The following FAM9C variants were observed in gnomAD, a reference collection of about 807,000 sequenced individuals.
FAM9C encodes the protein protein FAM9C.
Under a neutral mutation model 14.8 loss-of-function variants are expected in FAM9C, and 15 were observed. That is an observed-to-expected ratio of 1.02 (90% CI 0.68 to 1.56). FAM9C has a LOEUF of 1.56. Ranked by LOEUF, FAM9C falls within the 40% of genes most tolerant of loss-of-function variation. The pLI is 0.00. For missense variants in FAM9C, 116 were observed against 118.0 expected, an observed-to-expected ratio of 0.98 and a Z score of 0.08; for synonymous variants, 45 against 37.5, an observed-to-expected ratio of 1.20 and a Z score of -0.74.
chrX:13,042,754 A>G (rs1366492608), intron 4 of FAM9C, 164 bp downstream of exon 4: 2 of 590,344 alleles, frequency 3.4e-6, no homozygotes, highest in Non-Finnish European at 5.6e-6. Flanking sequence ...ATCAACAATT[A>G]AAAAAGTAAG....
intron 1 of FAM9C, among the ~76,000 whole-genome samples, chrX:13,044,092 A>G (rs1368665102): frequency 8.9e-6 from 1 of 111,880 alleles, no homozygotes; most frequent in Non-Finnish European, 1.9e-5. Flanking sequence ...CTTGGGACAG[A>G]GCCTGGCCCT....
chrX:13,043,453 C>T (rs1193108977), intron 2 of FAM9C, among the ~76,000 whole-genome samples: 1 of 112,443 alleles, frequency 8.9e-6, no homozygotes, highest in East Asian at 2.8e-4. Context: ...CAGTAAACAA[C>T]GTTCACAGGT....
chrX:13,036,369 C>T (rs2043480072), intron 7 of FAM9C: 1 of 112,084 alleles, frequency 8.9e-6, no homozygotes, highest in Non-Finnish European at 1.9e-5. Context: ...AAACTGTAAT[C>T]AGTACATGGA....
At chrX:13,043,540 G>A (rs767827337) in intron 2 of FAM9C, among the ~76,000 whole-genome samples, 189 bp downstream of exon 2, 78 of 112,812 alleles carry the variant, frequency 6.9e-4, no homozygotes, top group African/African-American at 2.0e-3. Context: ...CTATGAGGGG[G>A]AGCCTCCCAC....
chrX:13,043,075 G>A (rs1313008441), intron 3 of FAM9C, 53 bp downstream of exon 3: 4 of 1,182,627 alleles, frequency 3.4e-6, no homozygotes, highest in Non-Finnish European at 4.5e-6. Context: ...ATCCAAAGCT[G>A]ACTTTTCCTA....
chrX:13,043,796 G>C lies in FAM9C; in HGVS notation c.-7C>G, dbSNP rs1255626465. 8.3e-7 allele frequency: 1 copy of C among 1,211,781 alleles called. No homozygotes were observed. The highest frequency in any genetic ancestry group is 1.8e-5 in the South Asian group (1 of 57,007). On this transcript the variant is annotated 5_prime_UTR_variant, in exon 2 of 8. Transcript: ENST00000380625. ...ACTGGTCCTTGGCAGCCATCCTGCT[G>C]CCCTTCCTGCCCACGGGCTCCGTGG... is the stretch of plus-strand genomic sequence containing the variant.
chrX:13,036,711 C>T (rs766843043), intron 7 of FAM9C: 15 of 111,564 alleles, frequency 1.3e-4, no homozygotes, highest in Admixed American at 8.6e-4. Flanking sequence ...ACAGTTCCTA[C>T]TCCCTAAAAA....
rs1045045033 is a variant in FAM9C at position 13,043,390 on chromosome X, G to A, written c.62-142C>T. Reference sequence around the variant, plus strand: ...CCGCAGAGCTATACATGGAATCGCCGGCTCCTAACCATTTTACGGAGGCAT... The same window carrying A: ...CCGCAGAGCTATACATGGAATCGCCAGCTCCTAACCATTTTACGGAGGCAT... On this transcript the variant is annotated intron_variant, in intron 2 of 7. Transcript: ENST00000380625. 1.2e-5 allele frequency: 10 copies of A among 837,405 alleles called. No individual in the cohort carries two copies. In the East Asian group the frequency reaches 2.0e-4, roughly 16 times the overall value. 69.0% of individuals were successfully genotyped at this position (837,405 alleles called of 1,213,427 possible). A position where few individuals can be genotyped will look rare whatever the true frequency, so the allele number is the denominator to read the frequency against.
In FAM9C at chrX:13,043,848, A is replaced by G. The variant is rs1180954690; in HGVS notation, c.-59T>C. 4.6e-6 allele frequency: 5 copies of G among 1,093,040 alleles called. No individual in the cohort carries two copies. The East Asian group carries it at 1.5e-4, about 33-fold the overall frequency. 90.1% of individuals were successfully genotyped at this position (1,093,040 alleles called of 1,213,427 possible). ...TGACTGGCCTGGGAAGCTAGAGGCG[A>G]CCTCTGAACCTGGTGAGTGCAAAGA... is the stretch of plus-strand genomic sequence containing the variant. On this transcript the variant is annotated 5_prime_UTR_variant, in exon 2 of 8. Coordinates refer to ENST00000380625, the MANE Select transcript of FAM9C (RefSeq NM_174901.6).
At chrX:13,042,667 CAATTA>C (rs2043537052) in intron 4 of FAM9C, 1 of 412,831 alleles carries the variant, frequency 2.4e-6, no homozygotes, top group Non-Finnish European at 4.3e-6. Flanking sequence ...ATCCCCCAAA[CAATTA>C]AATTTCCACG....
chrX:13,040,753 C>T lies in FAM9C; in HGVS notation c.329+5G>A. 1 of 1,118,367 alleles carries T rather than the reference C, an allele frequency of 8.9e-7. No homozygotes were observed. Among genetic ancestry groups the T allele is most frequent in the South Asian group, 2.1e-5 (1 of 48,660 alleles). The allele number at this position is 1,118,367 out of a possible 1,213,427, so 92.2% of individuals were successfully genotyped here. ...ATCATTATTCAAAAAAGCCAACAATCATACCTTTTTAGTTGTGTTGTTCTC... is the reference window on the plus strand; with the variant it reads ...ATCATTATTCAAAAAAGCCAACAATTATACCTTTTTAGTTGTGTTGTTCTC... On this transcript the variant is annotated splice_donor_5th_base_variant and intron_variant, in intron 5 of 7. Transcript: ENST00000380625.
intron 2 of FAM9C, 93 bp downstream of exon 2, chrX:13,043,636 G>A (rs1360964294): frequency 6.6e-6 from 7 of 1,059,989 alleles, no homozygotes; most frequent in South Asian, 1.9e-5. Context: ...CGAAGGGGCC[G>A]GGGGCCTCGG....
rs754045711 is a variant in FAM9C at position 13,038,344 on chromosome X, G to A, written c.*25+72C>T. 141 of 839,580 alleles carry A rather than the reference G, an allele frequency of 1.7e-4. 1 individual carries two copies. The highest frequency in any genetic ancestry group is 4.6e-4 in the Middle Eastern group (1 of 2,154). The allele number at this position is 839,580 out of a possible 1,213,427, so 69.2% of individuals were successfully genotyped here. The stretch of plus-strand genomic sequence containing the variant: ...TGTCTTTCCATACATTCAGAAACAA[G>A]CAGATTGTCTTCTATTTTTATGCAT... On this transcript the variant is annotated intron_variant, in intron 7 of 7. Coordinates refer to ENST00000380625, the MANE Select transcript of FAM9C (RefSeq NM_174901.6).
chrX:13,040,415 A>G (rs1418455502), intron 5 of FAM9C: 26 of 410,163 alleles, frequency 6.3e-5, no homozygotes, highest in Non-Finnish European at 7.2e-5. Flanking sequence ...CCCTTTCTAC[A>G]TAATTGAATA....
chrX:13,043,973 G>A (rs1360499372), intron 1 of FAM9C, 116 bp from the exon 2 acceptor site: 3 of 448,696 alleles, frequency 6.7e-6, no homozygotes, highest in East Asian at 3.8e-5. Flanking sequence ...AGGAGGGGAC[G>A]CGGAGAAGAT....
chrX:13,043,874 CACACTAAGG>C lies in FAM9C; in HGVS notation c.-68-26_-68-18del. On this transcript the variant is annotated intron_variant, in intron 1 of 7. Transcript: ENST00000380625. ...CCTCTGAACCTGGTGAGTGCAAAGA[CACACTAAGG>C]ACACTAAGGAAACGAGGCGTGTTAA... 1.0e-6 allele frequency: 1 copy of C among 959,791 alleles called. No homozygotes were observed. Among genetic ancestry groups the C allele is most frequent in the Non-Finnish European group, 1.5e-6 (1 of 671,003 alleles). 79.1% of individuals were successfully genotyped at this position (959,791 alleles called of 1,213,427 possible).
chrX:13,036,242 T>A (rs2043479400), intron 7 of FAM9C: 1 of 112,268 alleles, frequency 8.9e-6, no homozygotes, highest in Non-Finnish European at 1.9e-5. Context: ...AAACAAAAAG[T>A]CTAGTTCACT....
intron 4 of FAM9C, 199 bp from the exon 5 acceptor site, chrX:13,041,071 G>T: frequency 3.6e-6 from 1 of 276,939 alleles, no homozygotes; most frequent in Non-Finnish European, 6.3e-6. Context: ...ATTTCAGTTG[G>T]TATAACAGCA....
intron 1 of FAM9C, among the ~76,000 whole-genome samples, chrX:13,044,327 C>CCA (rs1569137042): frequency 9.7e-6 from 1 of 102,740 alleles, no homozygotes; most frequent in Non-Finnish European, 2.0e-5. Flanking sequence ...CCCGACCCCC[C>CCA]CCCAAACGCT....
Sources: allele counts gnomAD v4.1 joint callset (sites outside exome capture counted in the v4.1 genomes callset), GRCh38; gene constraint gnomAD v4.1.1; transcripts MANE v1.5; gene names NCBI Gene and HGNC (gene_info 2026-07-23, HGNC 2026-07-21).